Variants in BTBD16 observed in about 807,000 individuals in gnomAD.
BTBD16 encodes the protein BTB/POZ domain-containing protein 16.
A neutral mutation model predicts 67.4 loss-of-function variants in BTBD16; 66 were observed. The observed-to-expected ratio is 0.98, with a 90% CI of 0.80 to 1.20. The LOEUF is 1.20. Among genes scored for constraint, BTBD16 ranks in the 50% most tolerant of loss-of-function variants. The pLI is 0.00. For synonymous variants in BTBD16, 242 were observed against 236.4 expected, an observed-to-expected ratio of 1.02 and a Z score of -0.22; for missense variants, 634 against 616.0, an observed-to-expected ratio of 1.03 and a Z score of -0.31.
At chr10:122,326,013 G>A (rs1033297086) in intron 10 of BTBD16, among the ~76,000 whole-genome samples, 6 of 149,954 alleles carry the variant, frequency 4.0e-5, no homozygotes, top group Admixed American at 2.0e-4. Flanking sequence ...AGTGTCCCAA[G>A]TCTTCTATGC....
chr10:122,337,777 C>G (rs1190495236), intron 15 of BTBD16, among the ~76,000 whole-genome samples: 1 of 152,220 alleles, frequency 6.6e-6, no homozygotes, highest in Non-Finnish European at 1.5e-5. Flanking sequence ...TACACAGGAG[C>G]ATTTACTTGG....
At chr10:122,331,748 G>A (rs933856141) in intron 12 of BTBD16, among the ~76,000 whole-genome samples, 2 of 152,088 alleles carry the variant, frequency 1.3e-5, no homozygotes, top group African/African-American at 4.8e-5. Flanking sequence ...TTTCAATCTC[G>A]CGTTTTTAGA....
At chr10:122,307,956 T>C (rs1175628986) in intron 10 of BTBD16, among the ~76,000 whole-genome samples, 1 of 152,246 alleles carries the variant, frequency 6.6e-6, no homozygotes, top group Non-Finnish European at 1.5e-5. Flanking sequence ...TTCTCTGTCT[T>C]GTTATTTGAG....
chr10:122,318,887 G>A (rs2096430875), intron 10 of BTBD16, among the ~76,000 whole-genome samples: 1 of 152,102 alleles, frequency 6.6e-6, no homozygotes, highest in African/African-American at 2.4e-5. Context: ...CCACATCCTT[G>A]CTAACATTTG....
chr10:122,337,885 G>A, intron 15 of BTBD16, 132 bp from the exon 16 acceptor site: 2 of 676,258 alleles, frequency 3.0e-6, no homozygotes, highest in Non-Finnish European at 5.1e-6. Context: ...ACCTCTGCAG[G>A]TTATTCTGAT....
intron 5 of BTBD16, among the ~76,000 whole-genome samples, chr10:122,289,000 G>A (rs57660907): frequency 1.3e-5 from 2 of 152,122 alleles, no homozygotes; most frequent in African/African-American, 4.8e-5. Context: ...GCTCACATTC[G>A]AGGATGACTG....
At chr10:122,290,693 C>A (rs1755731558) in intron 6 of BTBD16, among the ~76,000 whole-genome samples, 1 of 152,048 alleles carries the variant, frequency 6.6e-6, no homozygotes, top group South Asian at 2.1e-4. Flanking sequence ...CAAGGAGAAT[C>A]TGCTGTAAGA....
intron 10 of BTBD16, among the ~76,000 whole-genome samples, chr10:122,307,846 G>C (rs1371899444): frequency 6.6e-6 from 1 of 152,216 alleles, no homozygotes; most frequent in Non-Finnish European, 1.5e-5. Flanking sequence ...TTCACGTAGT[G>C]ACCTGTTTAA....
chr10:122,285,873 C>T (rs764585713), intron 4 of BTBD16, among the ~76,000 whole-genome samples: 11 of 152,114 alleles, frequency 7.2e-5, no homozygotes, highest in Admixed American at 2.6e-4. Context: ...GTCCTGGACA[C>T]GTGACATGTC....
In BTBD16 at chr10:122,297,420, C is replaced by T. The variant is rs115802151; in HGVS notation, c.591-348C>T. On this transcript the variant is annotated intron_variant, in intron 7 of 15. Coordinates refer to ENST00000260723, the MANE Select transcript of BTBD16 (RefSeq NM_144587.5). ...CACCATAAGGGTCTGTACAGGAAGACAGTCCTCAGGCAGGGGGATGACCAG... is the reference window on the plus strand; with the variant it reads ...CACCATAAGGGTCTGTACAGGAAGATAGTCCTCAGGCAGGGGGATGACCAG... Among the ~76,000 whole-genome samples, 1,360 of 152,340 alleles carry T rather than the reference C, an allele frequency of 8.9e-3. 22 individuals are homozygous for T. The highest frequency in any genetic ancestry group is 0.032 in the African/African-American group (1,313 of 41,560).
At chr10:122,291,773 G>A (rs2096374523) in intron 7 of BTBD16, 1 of 152,170 alleles carries the variant, frequency 6.6e-6, no homozygotes, top group South Asian at 2.1e-4. Flanking sequence ...AGTTAAAATT[G>A]CCCTCAAATC....
At chr10:122,311,951 G>A (rs927016644) in intron 10 of BTBD16, among the ~76,000 whole-genome samples, 2 of 152,142 alleles carry the variant, frequency 1.3e-5, no homozygotes, top group African/African-American at 4.8e-5. Context: ...ATCCATCCAC[G>A]TGGCTGCATG....
In BTBD16 at chr10:122,332,707, C is replaced by T. The variant is rs764917581; in HGVS notation, c.1164+194C>T. On this transcript the variant is annotated intron_variant, in intron 13 of 15. Transcript: ENST00000260723. The stretch of plus-strand genomic sequence containing the variant: ...AAATTCACAAGGGAGGGGCCTGGGG[C>T]GGGCCATTTAATAATTTCCCCACTA... 1.7e-4 allele frequency: 121 copies of T among 693,784 alleles called. 1 individual carries two copies. The Middle Eastern group carries it at 2.1e-3, about 12-fold the overall frequency. The allele number at this position is 693,784 out of a possible 1,614,324, so 43.0% of individuals were successfully genotyped here. A position where few individuals can be genotyped will look rare whatever the true frequency, so the allele number is the denominator to read the frequency against.
intron 10 of BTBD16, among the ~76,000 whole-genome samples, chr10:122,312,693 G>T (rs978430342): frequency 1.3e-5 from 2 of 152,128 alleles, no homozygotes. Flanking sequence ...TGCTAATGAG[G>T]TTGAGCATTT....
intron 10 of BTBD16, among the ~76,000 whole-genome samples, chr10:122,307,808 A>G (rs924873519): frequency 6.6e-6 from 1 of 152,170 alleles, no homozygotes; most frequent in Non-Finnish European, 1.5e-5. Flanking sequence ...TTTCTTTTGC[A>G]TGTGTGAGTT....
intron 9 of BTBD16, among the ~76,000 whole-genome samples, chr10:122,299,621 C>T (rs945958037): frequency 6.6e-6 from 1 of 151,946 alleles, no homozygotes; most frequent in African/African-American, 2.4e-5. Context: ...GCACCCCAAC[C>T]CTGCCCCCAG....
intron 9 of BTBD16, among the ~76,000 whole-genome samples, chr10:122,305,314 A>G (rs2421011): frequency 0.62 from 94,463 of 151,662 alleles, 30,924 homozygotes; most frequent in East Asian, 0.88. Context: ...CAAATCTCAC[A>G]TTGAATTGTA....
At chr10:122,316,454 G>T (rs1003416939) in intron 10 of BTBD16, among the ~76,000 whole-genome samples, 3 of 152,090 alleles carry the variant, frequency 2.0e-5, no homozygotes, top group African/African-American at 7.2e-5. Context: ...GCATTGTTAG[G>T]CTGTTTCATC....
At position 122,332,453 on chromosome 10, in the gene BTBD16, C is replaced by T; in HGVS notation, c.1104C>T (p.Asp368=). The T allele has an allele frequency of 6.2e-7, 1 of 1,614,080 alleles. No homozygotes were observed. Among genetic ancestry groups the T allele is most frequent in the Non-Finnish European group, 8.5e-7 (1 of 1,180,018 alleles). ...NHYHALENGG[D]MVHLKDLNTQ... ...CCTTTCAGCTGGAGAATGGGGGCGA[C>T]ATGGTCCACCTGAAAGATCTTAACA... The change falls in exon 13 of 16, where the codon GAC becomes GAT. Residue 368 remains aspartate, a synonymous_variant. Coordinates refer to ENST00000260723, the MANE Select transcript of BTBD16 (RefSeq NM_144587.5).
Sources: allele counts gnomAD v4.1 joint callset (sites outside exome capture counted in the v4.1 genomes callset), GRCh38; gene constraint gnomAD v4.1.1; transcripts MANE v1.5; gene names NCBI Gene and HGNC (gene_info 2026-07-23, HGNC 2026-07-21).